Variants in ANKRD45 observed in about 807,000 individuals in gnomAD.
ANKRD45 encodes the protein ankyrin repeat domain 45, also known as ankyrin repeat domain-containing protein 45.
ANKRD45 carries 21 observed loss-of-function variants against 28.1 expected under a neutral mutation model. The ratio of observed to expected loss-of-function variants is 0.75; its 90% CI spans 0.53 to 1.08. ANKRD45 has a LOEUF of 1.08. ANKRD45 is among the 50% of genes least tolerant of loss of function. ANKRD45 has a pLI of 0.00. For missense variants in ANKRD45, 261 were observed against 308.7 expected (o/e 0.85, Z 1.16); for synonymous variants, 86 against 103.9 (o/e 0.83, Z 1.05).
At chr1:173,625,007 A>C (rs947212460) in intron 4 of ANKRD45, 82 bp from the exon 5 acceptor site, 1 of 1,408,908 alleles carries the variant, frequency 7.1e-7, no homozygotes, top group Non-Finnish European at 9.7e-7. Flanking sequence ...CAGCACGTCC[A>C]ACTGAACTTT....
chr1:173,664,202 C>T (rs1669908670), intron 1 of ANKRD45, among the ~76,000 whole-genome samples: 1 of 152,120 alleles, frequency 6.6e-6, no homozygotes, highest in African/African-American at 2.4e-5. Context: ...TGACATATGT[C>T]CCAATGTATG....
At chr1:173,675,121 T>C in the ANKRD45 span, among the ~76,000 whole-genome samples, 6 of 152,136 alleles carry the variant, frequency 3.9e-5, no homozygotes, top group African/African-American at 1.2e-4. Flanking sequence ...CATATATTAG[T>C]AGGCAGGTAT....
In ANKRD45 at chr1:173,610,042, A is replaced by T; in HGVS notation, c.*103T>A. ...CAAGGGCGATGTAATGTTGTACTTA[A>T]ATACTTAAAGAAACCCACATCTGTT... On this transcript the variant is annotated 3_prime_UTR_variant, in exon 6 of 6. Transcript: ENST00000333279. The T allele has an allele frequency of 8.3e-7, 1 of 1,197,814 alleles. No individual in the cohort carries two copies. Among genetic ancestry groups the T allele is most frequent in the Non-Finnish European group, 1.2e-6 (1 of 817,938 alleles). 74.2% of individuals were successfully genotyped at this position (1,197,814 alleles called of 1,614,324 possible). A position where few individuals can be genotyped will look rare whatever the true frequency, so the allele number is the denominator to read the frequency against.
At chr1:173,681,760 T>C in the ANKRD45 span, among the ~76,000 whole-genome samples, 1 of 152,018 alleles carries the variant, frequency 6.6e-6, no homozygotes, top group Non-Finnish European at 1.5e-5. Context: ...AGATTAAAGA[T>C]GGATGTCAAG....
intron 3 of ANKRD45, 59 bp from the exon 4 acceptor site, chr1:173,627,218 T>C: frequency 8.5e-7 from 1 of 1,172,376 alleles, no homozygotes; most frequent in South Asian, 1.3e-5. Context: ...CAAAGCAAGA[T>C]AGTCAAATGG....
chr1:173,677,187 A>C, the ANKRD45 span, among the ~76,000 whole-genome samples: 1 of 151,860 alleles, frequency 6.6e-6, no homozygotes, highest in African/African-American at 2.4e-5. Flanking sequence ...GGATTTTAAA[A>C]AAAAAAAGGT....
At chr1:173,702,774 T>C in the ANKRD45 span, among the ~76,000 whole-genome samples, 1 of 148,766 alleles carries the variant, frequency 6.7e-6, no homozygotes, top group Non-Finnish European at 1.5e-5. Context: ...GAGGCTGAAA[T>C]GCAGTGGTGC....
At chr1:173,619,343 C>A (rs1667602638) in intron 5 of ANKRD45, among the ~76,000 whole-genome samples, 1 of 152,072 alleles carries the variant, frequency 6.6e-6, no homozygotes, top group Non-Finnish European at 1.5e-5. Context: ...CACAGAATGG[C>A]AAGCTGGATA....
the ANKRD45 span, among the ~76,000 whole-genome samples, chr1:173,704,912 A>T: frequency 6.6e-6 from 1 of 152,248 alleles, no homozygotes; most frequent in Non-Finnish European, 1.5e-5. Flanking sequence ...CTGTAGTTTC[A>T]ACAAAGGCCT....
chr1:173,655,186 T>A (rs1669443034), intron 2 of ANKRD45, among the ~76,000 whole-genome samples: 1 of 148,448 alleles, frequency 6.7e-6, no homozygotes, highest in African/African-American at 2.6e-5. Context: ...CTCTTGTTTT[T>A]AGAATTTTCA....
chr1:173,639,494 T>C (rs1418377909), intron 3 of ANKRD45, among the ~76,000 whole-genome samples: 2 of 152,104 alleles, frequency 1.3e-5, no homozygotes, highest in Non-Finnish European at 2.9e-5. Context: ...AGAAGGAAAA[T>C]GGATACTACC....
intron 3 of ANKRD45, chr1:173,637,154 C>G (rs1393018902): frequency 1.3e-6 from 1 of 768,106 alleles, no homozygotes; most frequent in Non-Finnish European, 2.0e-6. Flanking sequence ...ACAATCTTTA[C>G]TAAAATTTTC....
At chr1:173,650,687 G>A (rs1571753721) in intron 2 of ANKRD45, among the ~76,000 whole-genome samples, 2 of 152,128 alleles carry the variant, frequency 1.3e-5, no homozygotes, top group African/African-American at 2.4e-5. Context: ...TTCCACAATG[G>A]TTGAACTACT....
At position 173,618,392 on chromosome 1, in the gene ANKRD45, T is replaced by C. The variant is rs373184076; in HGVS notation, c.730+6395A>G. ...CCCAATGCAAAGAAGCTAAGAATCA[T>C]GATAAAACAATACAGGAGCTGAAAA... On this transcript the variant is annotated intron_variant, in intron 5 of 5. Transcript: ENST00000333279. Among the ~76,000 whole-genome samples, 17 of 152,206 alleles carry C rather than the reference T, an allele frequency of 1.1e-4. No homozygotes were observed. In the East Asian group the frequency reaches 1.9e-3, roughly 17 times the overall value.
At chr1:173,626,624 C>G (rs371235941) in intron 4 of ANKRD45, among the ~76,000 whole-genome samples, 9 of 152,140 alleles carry the variant, frequency 5.9e-5, no homozygotes, top group East Asian at 3.8e-4. Context: ...CATCCCACCC[C>G]CCGACTGCCT....
upstream of ANKRD45, among the ~76,000 whole-genome samples, chr1:173,672,277 G>A (rs947213101): frequency 6.6e-6 from 1 of 152,228 alleles, no homozygotes; most frequent in South Asian, 2.1e-4. Context: ...TCAGTTGGAA[G>A]CTTGCTCCTG....
the ANKRD45 span, among the ~76,000 whole-genome samples, chr1:173,676,115 T>C: frequency 1.3e-5 from 2 of 152,226 alleles, no homozygotes; most frequent in Non-Finnish European, 2.9e-5. Context: ...GGGGCTTTTA[T>C]TGGCTCCATA....
intron 5 of ANKRD45, among the ~76,000 whole-genome samples, chr1:173,620,607 G>T (rs1342918968): frequency 1.3e-5 from 2 of 152,130 alleles, no homozygotes; most frequent in Non-Finnish European, 2.9e-5. Flanking sequence ...TTGTGGGTTG[G>T]GGGGAGGGAT....
the ANKRD45 span, among the ~76,000 whole-genome samples, chr1:173,699,291 A>G: frequency 3.3e-5 from 5 of 152,248 alleles, no homozygotes; most frequent in Admixed American, 2.6e-4. Context: ...CAATCAATAG[A>G]AAAAGAGAGA....
Sources: gnomAD v4.1 joint callset for allele counts (sites outside exome capture counted in the v4.1 genomes callset) on GRCh38, gnomAD v4.1.1 for gene constraint, MANE v1.5 for transcripts, NCBI Gene and HGNC (gene_info 2026-07-23, HGNC 2026-07-21) for gene names.